Variants in PATL1 observed in about 807,000 individuals in gnomAD.
The protein encoded by PATL1 is protein PAT1 homolog 1.
Under a neutral mutation model 100.6 loss-of-function variants are expected in PATL1, and 32 were observed. The observed-to-expected ratio is 0.32, with a 90% confidence interval of 0.24 to 0.43. The LOEUF (loss-of-function observed/expected upper bound fraction) is 0.43, where lower values mean the gene tolerates loss of function less well. Among genes scored for constraint, PATL1 ranks in the 20% least tolerant of loss-of-function variants. The probability of loss-of-function intolerance (pLI) is 1.00; values close to 1 mark genes in which losing one functional copy is unlikely to be tolerated. For missense variants in PATL1, 747 were observed against 949.9 expected, an observed-to-expected ratio of 0.79 and a Z score of 2.81; for synonymous variants, 332 against 330.0, an observed-to-expected ratio of 1.01 and a Z score of -0.07.
chr11:59,643,552 TA>T (rs1488521857), intron 15 of PATL1, among the ~76,000 whole-genome samples: 1 of 151,638 alleles, frequency 6.6e-6, no homozygotes, highest in African/African-American at 2.4e-5. Context: ...CTACAACAAA[TA>T]AAAAAGTTTC....
intron 18 of PATL1, among the ~76,000 whole-genome samples, chr11:59,638,690 A>T (rs1247484019): frequency 2.0e-5 from 3 of 148,662 alleles, no homozygotes; most frequent in Non-Finnish European, 3.0e-5. Flanking sequence ...CTTTTTATTT[A>T]TTTTTTTTGA....
rs937385630 is a variant in PATL1, at chr11:59,668,863, C to T, written c.15+18G>A. 3.0e-6 allele frequency: 4 copies of T among 1,337,718 alleles called. No individual in the cohort carries two copies. Among genetic ancestry groups the T allele is most frequent in the Non-Finnish European group, 4.0e-6 (4 of 992,412 alleles). 82.9% of individuals were successfully genotyped at this position (1,337,718 alleles called of 1,614,324 possible). A position where few individuals can be genotyped will look rare whatever the true frequency, so the allele number is the denominator to read the frequency against. ...CGCGGGAGGGAGGGAGGGGTCACTT[C>T]CGGTCGCAACAGCTCACCTCGTAGC... On this transcript the variant is annotated intron_variant, in intron 1 of 18. Transcript: ENST00000300146.
intron 8 of PATL1, among the ~76,000 whole-genome samples, chr11:59,654,456 G>A (rs551159751): frequency 1.1e-3 from 163 of 147,650 alleles, no homozygotes; most frequent in Non-Finnish European, 2.0e-3. Context: ...ACTCCAGCCT[G>A]CGAGACAGAG....
intron 7 of PATL1, 88 bp downstream of exon 7, chr11:59,655,866 AGT>A: frequency 7.5e-7 from 1 of 1,339,260 alleles, no homozygotes; most frequent in Non-Finnish European, 1.0e-6. Context: ...AAATAAAAGT[AGT>A]GATTAACAGC....
chr11:59,639,282 C>A lies in PATL1; in HGVS notation c.2141+10G>T. On this transcript the variant is annotated intron_variant, in intron 17 of 18. Coordinates refer to ENST00000300146, the MANE Select transcript of PATL1 (RefSeq NM_152716.3). ...AACTTAAAATAAGAGAAGAAACAGTCCACACTGACCACTGATTATTTTGTG... is the reference window on the plus strand; with the variant it reads ...AACTTAAAATAAGAGAAGAAACAGTACACACTGACCACTGATTATTTTGTG... 6.4e-7 allele frequency: 1 copy of A among 1,555,952 alleles called. No individual in the cohort carries two copies. The highest frequency in any genetic ancestry group is 1.2e-5 in the South Asian group (1 of 84,434).
At chr11:59,647,068 A>T (rs1861374889) in intron 15 of PATL1, among the ~76,000 whole-genome samples, 1 of 151,942 alleles carries the variant, frequency 6.6e-6, no homozygotes, top group African/African-American at 2.4e-5. Flanking sequence ...AAAGGTAAAA[A>T]AAAAATTAGC....
Position 59,640,050 on chromosome 11 carries a change from A to G in PATL1, c.2050-667T>C, listed in dbSNP as rs201047411. ...AGCAACATGCTTTAGAGTATGCAAT[A>G]TATAAAAATGGTCAGGTGTGGTGGC... On this transcript the variant is annotated intron_variant, in intron 16 of 18. Transcript: ENST00000300146. Among the ~76,000 whole-genome samples, 326 of 152,356 alleles carry G rather than the reference A, an allele frequency of 2.1e-3. 3 individuals carry two copies. Among genetic ancestry groups the G allele is most frequent in the Non-Finnish European group, 2.1e-3 (140 of 68,028 alleles).
chr11:59,649,932 A>G (rs1156805996), intron 13 of PATL1, among the ~76,000 whole-genome samples: 3 of 152,002 alleles, frequency 2.0e-5, no homozygotes, highest in Non-Finnish European at 4.4e-5. Flanking sequence ...GACCAGCCTG[A>G]ACAACATGGA....
chr11:59,651,850 A>G (rs916015977), intron 11 of PATL1, among the ~76,000 whole-genome samples: 2 of 151,880 alleles, frequency 1.3e-5, no homozygotes, highest in Non-Finnish European at 1.5e-5. Flanking sequence ...AGATCACTTG[A>G]GGCCAGGAGT....
At chr11:59,645,648 C>A (rs1861354619) in intron 15 of PATL1, among the ~76,000 whole-genome samples, 1 of 151,884 alleles carries the variant, frequency 6.6e-6, no homozygotes, top group Admixed American at 6.6e-5. Context: ...CTAGTAGTCT[C>A]CAAAGGTGAT....
Position 59,668,961 on chromosome 11 carries a change from C to G in PATL1, c.-66G>C, listed in dbSNP as rs1007022500. The G allele has an allele frequency of 2.7e-5, 9 of 337,876 alleles. No individual in the cohort carries two copies. The highest frequency in any genetic ancestry group is 1.3e-4 in the African/African-American group (6 of 45,446). 20.9% of individuals were successfully genotyped at this position (337,876 alleles called of 1,614,324 possible). ...AGGGAGGGAAGAAGCGCTGACTCCCCGGCTCCTCCGCGCGCGGGTCCTCCA... is the reference window on the plus strand; with the variant it reads ...AGGGAGGGAAGAAGCGCTGACTCCCGGGCTCCTCCGCGCGCGGGTCCTCCA... On this transcript the variant is annotated 5_prime_UTR_variant, in exon 1 of 19. Transcript: ENST00000300146.
chr11:59,656,128 G>T, intron 6 of PATL1, 83 bp from the exon 7 acceptor site: 1 of 793,216 alleles, frequency 1.3e-6, no homozygotes, highest in Non-Finnish European at 1.9e-6. Flanking sequence ...CAGAAATGCA[G>T]TATAAACTTG....
intron 2 of PATL1, among the ~76,000 whole-genome samples, chr11:59,663,523 T>TCC (rs142558073): frequency 6.6e-6 from 1 of 152,134 alleles, no homozygotes; most frequent in Non-Finnish European, 1.5e-5. Flanking sequence ...TCACTCTTCC[T>TCC]CATTTGTTAA....
intron 15 of PATL1, 97 bp downstream of exon 15, chr11:59,647,657 A>G (rs888483574): frequency 1.5e-6 from 2 of 1,304,240 alleles, no homozygotes; most frequent in African/African-American, 1.5e-5. Flanking sequence ...TTAGACAAAA[A>G]TACAAAAGGG....
intron 15 of PATL1, among the ~76,000 whole-genome samples, chr11:59,646,278 A>ATTTT (rs35277057): frequency 2.2e-5 from 3 of 133,798 alleles, no homozygotes; most frequent in Admixed American, 1.5e-4. Flanking sequence ...CATTTGTGGA[A>ATTTT]TTTTTTTTTT....
chr11:59,668,851 GA>G, intron 1 of PATL1, 29 bp downstream of exon 1: 1 of 1,188,732 alleles, frequency 8.4e-7, no homozygotes, highest in Non-Finnish European at 1.2e-6. Context: ...GGGAGGGAGG[GA>G]GGGGTCACTT....
chr11:59,659,262 G>A lies in PATL1; in HGVS notation c.335C>T (p.Pro112Leu). The A allele has an allele frequency of 6.4e-7, 1 of 1,551,276 alleles. No homozygotes were observed. The highest frequency in any genetic ancestry group is 8.7e-7 in the Non-Finnish European group (1 of 1,146,722). Residue 112 changes from proline to leucine, a missense_variant, in exon 3 of 19, where the codon CCA (proline) becomes CTA (leucine). Around this residue, in one of 4 missense-constraint regions of PATL1, gnomAD observed 183 missense variants for 221.2 expected, o/e 0.83. Coordinates refer to ENST00000300146, the MANE Select transcript of PATL1 (RefSeq NM_152716.3). ...PAIMRAVQTRPVLQPQPGSLN... is the reference protein window; with the variant it reads ...PAIMRAVQTRLVLQPQPGSLN... ...CAGTAACTTACTTACTTGTAAAACTGGCCTGGTCTGCACTGCCCTCATAAT... is the reference window on the plus strand; with the variant it reads ...CAGTAACTTACTTACTTGTAAAACTAGCCTGGTCTGCACTGCCCTCATAAT...
intron 11 of PATL1, among the ~76,000 whole-genome samples, 160 bp downstream of exon 11, chr11:59,652,304 T>A (rs553119967): frequency 1.3e-5 from 2 of 152,142 alleles, no homozygotes; most frequent in African/African-American, 4.8e-5. Context: ...CAGACGTGAA[T>A]AAAGGCTGAT....
At chr11:59,653,866 T>C (rs1861483184) in intron 9 of PATL1, 117 bp downstream of exon 9, 1 of 811,560 alleles carries the variant, frequency 1.2e-6, no homozygotes, top group Admixed American at 2.5e-5. Context: ...TACATCCAGG[T>C]TTATGGATAT....
Sources: gnomAD v4.1 joint callset for allele counts (sites outside exome capture counted in the v4.1 genomes callset) on GRCh38, gnomAD v4.1.1 for gene constraint, gnomAD v4.1.1 regional missense constraint, MANE v1.5 for transcripts, NCBI Gene and HGNC (gene_info 2026-07-23, HGNC 2026-07-21) for gene names.